The following PDE7B variants were observed in gnomAD, a reference collection of about 807,000 sequenced individuals.
The protein encoded by PDE7B is 3',5'-cyclic-AMP phosphodiesterase 7B.
In PDE7B, 29 loss-of-function variants were observed where a neutral mutation model predicts 56.2. That is an observed-to-expected ratio of 0.52 (90% CI 0.38 to 0.70). The LOEUF is 0.70. PDE7B is among the 30% of genes least tolerant of loss of function. The pLI is 0.00. For synonymous variants in PDE7B, 197 were observed against 196.9 expected (o/e 1.00, Z 0.00); for missense variants, 490 against 565.0 (o/e 0.87, Z 1.35).
intron 1 of PDE7B, among the ~76,000 whole-genome samples, chr6:135,925,935 G>C (rs1363054756): frequency 1.3e-5 from 2 of 152,020 alleles, no homozygotes; most frequent in African/African-American, 4.8e-5. Flanking sequence ...CTCACCCATC[G>C]CTAGGTTCAT....
At chr6:136,088,332 C>G (rs1227715029) in intron 2 of PDE7B, among the ~76,000 whole-genome samples, 1 of 152,112 alleles carries the variant, frequency 6.6e-6, no homozygotes, top group East Asian at 1.9e-4. Flanking sequence ...TGGGATATCC[C>G]TTACGGAAAT....
chr6:136,139,727 C>T (rs9767512), intron 3 of PDE7B, among the ~76,000 whole-genome samples: 69,353 of 151,978 alleles, frequency 0.46, 16,353 homozygotes, highest in African/African-American at 0.59. Context: ...CCAGTGATGA[C>T]GAGCATTTTT....
At chr6:136,165,114 C>T (rs1168774056) in intron 8 of PDE7B, among the ~76,000 whole-genome samples, 1 of 152,118 alleles carries the variant, frequency 6.6e-6, no homozygotes, top group Non-Finnish European at 1.5e-5. Flanking sequence ...CATGTGGGAG[C>T]AAGGCCAGTG....
chr6:136,178,073 G>A lies in PDE7B; in HGVS notation c.804-924G>A, dbSNP rs923029771. On this transcript the variant is annotated intron_variant, in intron 9 of 12. Transcript: ENST00000308191. ...TCAAAAGCAGTTAAAATTAAGTTGC[G>A]TGGTTTATAGATGCACTCACAGGTG... Among the ~76,000 whole-genome samples, 12 of 152,110 alleles carry A rather than the reference G, an allele frequency of 7.9e-5. No individual in the cohort carries two copies. The South Asian group carries it at 8.3e-4, about 11-fold the overall frequency.
rs149058688 is a variant in PDE7B, at chr6:136,062,047, G to A, written c.83-46684G>A. ...ATGTGATGCTTACTGTGATAGAGCC[G>A]AGCAAAGCTCTGTGGGATCGCCAAT... On this transcript the variant is annotated intron_variant, in intron 2 of 12. Coordinates refer to ENST00000308191, the MANE Select transcript of PDE7B (RefSeq NM_018945.4). Among the ~76,000 whole-genome samples, 37 of 152,270 alleles carry A rather than the reference G, an allele frequency of 2.4e-4. No homozygotes were observed. The East Asian group carries it at 3.1e-3, about 13-fold the overall frequency.
intron 1 of PDE7B, among the ~76,000 whole-genome samples, chr6:135,886,380 T>G (rs886172153): frequency 6.6e-5 from 10 of 152,140 alleles, no homozygotes; most frequent in African/African-American, 2.4e-4. Flanking sequence ...TTTGCAAATT[T>G]TTTTATTTCA....
intron 3 of PDE7B, among the ~76,000 whole-genome samples, chr6:136,128,873 T>A (rs977538610): frequency 6.6e-6 from 1 of 152,188 alleles, no homozygotes; most frequent in Non-Finnish European, 1.5e-5. Context: ...TCTGTCCCTT[T>A]GTCCCACCTT....
At chr6:136,115,605 C>T (rs899494149) in intron 3 of PDE7B, among the ~76,000 whole-genome samples, 16 of 152,138 alleles carry the variant, frequency 1.1e-4, no homozygotes, top group African/African-American at 3.9e-4. Context: ...ACAGCCATTG[C>T]CTTCTGTTAA....
intron 2 of PDE7B, among the ~76,000 whole-genome samples, chr6:136,085,270 A>C (rs1244362394): frequency 2.0e-5 from 3 of 152,194 alleles, no homozygotes; most frequent in Admixed American, 6.5e-5. Flanking sequence ...GGAAAAGAAA[A>C]ATGGGTCTAC....
chr6:135,868,462 C>T (rs1319095698), intron 1 of PDE7B, among the ~76,000 whole-genome samples: 11 of 151,872 alleles, frequency 7.2e-5, no homozygotes, highest in African/African-American at 2.7e-4. Context: ...GAGTCTCGCT[C>T]TGTCACCCAG....
chr6:135,983,520 G>A (rs1775329390), intron 2 of PDE7B, among the ~76,000 whole-genome samples: 1 of 152,146 alleles, frequency 6.6e-6, no homozygotes. Context: ...GTTGTGCAGG[G>A]TATAAGAAGT....
intron 2 of PDE7B, among the ~76,000 whole-genome samples, chr6:136,033,494 G>A (rs1210004590): frequency 6.6e-6 from 1 of 152,126 alleles, no homozygotes; most frequent in African/African-American, 2.4e-5. Context: ...AGCACAGAAG[G>A]TCTTCCCTTC....
intron 2 of PDE7B, among the ~76,000 whole-genome samples, chr6:136,055,634 G>A (rs1449657643): frequency 6.6e-6 from 1 of 152,190 alleles, no homozygotes; most frequent in African/African-American, 2.4e-5. Flanking sequence ...TAGATTAAAA[G>A]ATAAATATTA....
At chr6:135,949,608 C>CTAAGTAAAT (rs1459671394) in intron 2 of PDE7B, among the ~76,000 whole-genome samples, 3 of 152,014 alleles carry the variant, frequency 2.0e-5, no homozygotes, top group Non-Finnish European at 2.9e-5. Context: ...ATCATTTATT[C>CTAAGTAAAT]TAAGTAAATT....
chr6:135,858,958 A>G (rs1484631658), intron 1 of PDE7B, among the ~76,000 whole-genome samples: 1 of 152,180 alleles, frequency 6.6e-6, no homozygotes, highest in Non-Finnish European at 1.5e-5. Context: ...ATAAAACAGT[A>G]GAAAACATTA....
chr6:136,141,247 T>C (rs564409600), intron 3 of PDE7B, among the ~76,000 whole-genome samples: 1 of 152,356 alleles, frequency 6.6e-6, no homozygotes, highest in East Asian at 1.9e-4. Context: ...TCTTTGGTTC[T>C]GTTTATATGC....
At chr6:135,935,891 T>C (rs1774412149) in intron 1 of PDE7B, among the ~76,000 whole-genome samples, 1 of 152,184 alleles carries the variant, frequency 6.6e-6, no homozygotes, top group Non-Finnish European at 1.5e-5. Context: ...GCGCTGTCCA[T>C]GTGGAAATGG....
At chr6:135,852,078 G>A in intron 1 of PDE7B, 59 bp downstream of exon 1, 2 of 1,126,128 alleles carry the variant, frequency 1.8e-6, no homozygotes, top group Non-Finnish European at 1.4e-6. Flanking sequence ...GAGTCACAGA[G>A]AGATGGCAGG....
chr6:136,026,400 G>A (rs1776151002), intron 2 of PDE7B, among the ~76,000 whole-genome samples: 1 of 152,166 alleles, frequency 6.6e-6, no homozygotes, highest in African/African-American at 2.4e-5. Flanking sequence ...AGGTGGCAGT[G>A]AAGATGTGAC....
Sources: gnomAD v4.1 joint callset for allele counts (sites outside exome capture counted in the v4.1 genomes callset) on GRCh38, gnomAD v4.1.1 for gene constraint, MANE v1.5 for transcripts, NCBI Gene and HGNC (gene_info 2026-07-23, HGNC 2026-07-21) for gene names.